The following EPS8 variants were observed in gnomAD, a reference collection of about 807,000 sequenced individuals.
EPS8 encodes the protein epidermal growth factor receptor kinase substrate 8.
Under a neutral mutation model 103.8 loss-of-function variants are expected in EPS8, and 42 were observed. The ratio of observed to expected loss-of-function variants is 0.40; its 90% CI spans 0.32 to 0.52. The LOEUF is 0.52. Among genes scored for constraint, EPS8 ranks in the 20% least tolerant of loss-of-function variants. The probability of loss-of-function intolerance (pLI) is 0.40; values close to 1 mark genes in which losing one functional copy is unlikely to be tolerated. For missense variants in EPS8, 969 were observed against 1,005.1 expected (o/e 0.96, Z 0.49); for synonymous variants, 344 against 344.6 (o/e 1.00, Z 0.02).
Position 15,631,889 on chromosome 12 carries a change from C to T in EPS8, c.1822-225G>A, listed in dbSNP as rs79750608. ...AAACATTAGTTAAGGAGTCACAAGGCTACGTCAATAGCAAATAGTAGTATT... is the reference window on the plus strand; with the variant it reads ...AAACATTAGTTAAGGAGTCACAAGGTTACGTCAATAGCAAATAGTAGTATT... On this transcript the variant is annotated intron_variant, in intron 17 of 20. Transcript: ENST00000281172. 1,745 of 418,716 alleles carry T rather than the reference C, an allele frequency of 4.2e-3. 31 individuals carry two copies. The highest frequency in any genetic ancestry group is 0.03 in the African/African-American group (1,536 of 50,496). 25.9% of individuals were successfully genotyped at this position (418,716 alleles called of 1,614,324 possible). A position where few individuals can be genotyped will look rare whatever the true frequency, so the allele number is the denominator to read the frequency against.
chr12:15,629,366 A>G (rs903617043), intron 18 of EPS8, among the ~76,000 whole-genome samples: 1 of 152,228 alleles, frequency 6.6e-6, no homozygotes, highest in Non-Finnish European at 1.5e-5. Flanking sequence ...CCACCGTGTC[A>G]AAGATGACTG....
At chr12:15,663,920 C>CAAAAAAAA (rs10590703) in intron 8 of EPS8, among the ~76,000 whole-genome samples, 5 of 9,046 alleles carry the variant, frequency 5.5e-4, no homozygotes, top group African/African-American at 8.9e-4. Context: ...CACTCCATCT[C>CAAAAAAAA]AAAAAAAAAA....
At position 15,762,766 on chromosome 12, in the gene EPS8, A is replaced by T. The variant is rs1195505033; in HGVS notation, c.-22+26395T>A. Among the ~76,000 whole-genome samples, 2 of 152,198 alleles carry T rather than the reference A, an allele frequency of 1.3e-5. No homozygotes were observed. The highest frequency in any genetic ancestry group is 4.8e-5 in the African/African-American group (2 of 41,460). On this transcript the variant is annotated intron_variant, in intron 1 of 20. Coordinates refer to ENST00000281172, the MANE Select transcript of EPS8 (RefSeq NM_004447.6). The surrounding 1 kb of genome is among the most constrained non-coding windows in gnomAD (Gnocchi z 4.8). ...GAGAGAGTATAGAAGGATGGTTACC[A>T]GAGGCTGGGAAGGTGAAGTGGGGAT...
rs756342832 is a variant in EPS8, at chr12:15,701,040, A to G, written c.-21-18068T>C. 6.6e-6 allele frequency among the ~76,000 whole-genome samples: 1 copy of G among 152,192 alleles called. No individual in the cohort carries two copies. Among genetic ancestry groups the G allele is most frequent in the Non-Finnish European group, 1.5e-5 (1 of 68,028 alleles). ...ACTACCTACCTGTGTCCATCTTTAT[A>G]CCATAGTCTCTTAATGATAAACAAC... On this transcript the variant is annotated intron_variant, in intron 1 of 20. Transcript: ENST00000281172. This position sits in a 1 kb window ranked among gnomAD's most constrained non-coding sequence, Gnocchi z 5.1.
At chr12:15,654,703 T>C (rs1333777346) in intron 12 of EPS8, among the ~76,000 whole-genome samples, 1 of 152,150 alleles carries the variant, frequency 6.6e-6, no homozygotes, top group Non-Finnish European at 1.5e-5. Flanking sequence ...AAATGAGTAC[T>C]ATCAAGAGAA....
chr12:15,657,620 G>A (rs1016488358), intron 12 of EPS8, among the ~76,000 whole-genome samples: 4 of 152,122 alleles, frequency 2.6e-5, no homozygotes, highest in Non-Finnish European at 5.9e-5. Context: ...GTGCATAAAT[G>A]AATAAACAAG....
chr12:15,663,542 T>G (rs1417901698), intron 8 of EPS8, among the ~76,000 whole-genome samples: 2 of 152,172 alleles, frequency 1.3e-5, no homozygotes, highest in South Asian at 2.1e-4. Context: ...TTATCTCACT[T>G]AAACAGATGA....
intron 17 of EPS8, among the ~76,000 whole-genome samples, chr12:15,638,430 G>T (rs1945173028): frequency 6.6e-6 from 1 of 152,024 alleles, no homozygotes; most frequent in African/African-American, 2.4e-5. Flanking sequence ...AAAATTTTCA[G>T]GAGGTGTTAA....
chr12:15,681,728 C>CAAAAAAAAAAAAA (rs71042267), intron 2 of EPS8, among the ~76,000 whole-genome samples: 7 of 39,230 alleles, frequency 1.8e-4, no homozygotes, highest in Non-Finnish European at 3.1e-4. Flanking sequence ...GACTCTGTCT[C>CAAAAAAAAAAAAA]AAAAAAAAAA....
chr12:15,665,726 T>TC (rs1565488326), intron 8 of EPS8, 30 bp downstream of exon 8: 1 of 1,611,878 alleles, frequency 6.2e-7, no homozygotes, highest in African/African-American at 1.3e-5. Context: ...AAGTAAGTGT[T>TC]CAATAAGTAT....
intron 17 of EPS8, among the ~76,000 whole-genome samples, chr12:15,638,437 T>A (rs1175540072): frequency 6.6e-6 from 1 of 152,090 alleles, no homozygotes; most frequent in African/African-American, 2.4e-5. Context: ...TCAGGAGGTG[T>A]TAAAAAGCAG....
At position 15,738,681 on chromosome 12, in the gene EPS8, ATTTG is replaced by A. The variant is rs2136002834; in HGVS notation, c.-22+50476_-22+50479del. Among the ~76,000 whole-genome samples, 1 of 152,028 alleles carries A rather than the reference ATTTG, an allele frequency of 6.6e-6. No homozygotes were observed. Among genetic ancestry groups the A allele is most frequent in the South Asian group, 2.1e-4 (1 of 4,810 alleles). On this transcript the variant is annotated intron_variant, in intron 1 of 20. Transcript: ENST00000281172. This position sits in a 1 kb window ranked among gnomAD's most constrained non-coding sequence, Gnocchi z 6.2. Reference sequence around the variant, plus strand: ...ACTTGTGTTGTATTTAATATCAGTCATTTGTTTGCATATTTGTCTCATAGTTGGA... The same window carrying A: ...ACTTGTGTTGTATTTAATATCAGTCATTTGCATATTTGTCTCATAGTTGGA...
rs979278268 is a variant in EPS8 at position 15,768,745 on chromosome 12, C to T, written c.-22+20416G>A. On this transcript the variant is annotated intron_variant, in intron 1 of 20. Transcript: ENST00000281172. The stretch of plus-strand genomic sequence containing the variant: ...TTTCCTATCCCAAATAGGTGGATGG[C>T]TAACATTAAACAATATTGACATATA... Among the ~76,000 whole-genome samples the T allele has an allele frequency of 3.2e-4, 49 of 152,098 alleles. 1 individual carries two copies. The highest frequency in any genetic ancestry group is 2.0e-4 in the Admixed American group (3 of 15,278).
rs924098713 is a variant in EPS8 at position 15,697,261 on chromosome 12, A to T, written c.-21-14289T>A. ...TCCAGCTCTTGATTAAATAAACTGG[A>T]TATCACTTACATGGCATAACTGCTG... On this transcript the variant is annotated intron_variant, in intron 1 of 20. Transcript: ENST00000281172. This position sits in a 1 kb window ranked among gnomAD's most constrained non-coding sequence, Gnocchi z 5.6. 6.6e-6 allele frequency among the ~76,000 whole-genome samples: 1 copy of T among 152,236 alleles called. No homozygotes were observed. Among genetic ancestry groups the T allele is most frequent in the African/African-American group, 2.4e-5 (1 of 41,464 alleles).
chr12:15,788,644 T>C (rs1947334709), intron 1 of EPS8, among the ~76,000 whole-genome samples: 1 of 152,144 alleles, frequency 6.6e-6, no homozygotes, highest in South Asian at 2.1e-4. Context: ...CATTAGGCAT[T>C]GACAACGATT....
intron 8 of EPS8, chr12:15,662,738 T>C: frequency 2.6e-6 from 2 of 770,850 alleles, no homozygotes; most frequent in Non-Finnish European, 3.2e-6. Context: ...ATGAAGTTAT[T>C]ATCATGAACT....
At chr12:15,788,647 C>G (rs987255003) in intron 1 of EPS8, among the ~76,000 whole-genome samples, 1 of 152,138 alleles carries the variant, frequency 6.6e-6, no homozygotes, top group Non-Finnish European at 1.5e-5. Flanking sequence ...TAGGCATTGA[C>G]AACGATTCCG....
At chr12:15,718,874 GA>G (rs369469094) in intron 1 of EPS8, among the ~76,000 whole-genome samples, 72 of 150,636 alleles carry the variant, frequency 4.8e-4, no homozygotes, top group South Asian at 2.7e-3. Context: ...GCCATTTAGA[GA>G]AAAAAAAAGG....
intron 1 of EPS8, among the ~76,000 whole-genome samples, chr12:15,775,078 G>T (rs892056206): frequency 6.6e-6 from 1 of 152,000 alleles, no homozygotes; most frequent in Admixed American, 6.6e-5. Context: ...GTTAGAATGC[G>T]CTTGGCCCCA....
Sources: allele counts gnomAD v4.1 joint callset (sites outside exome capture counted in the v4.1 genomes callset), GRCh38; gene constraint gnomAD v4.1.1; non-coding constraint Gnocchi (gnomAD v3.1); transcripts MANE v1.5; gene names NCBI Gene and HGNC (gene_info 2026-07-23, HGNC 2026-07-21).